Variants in FBXO34 observed in about 807,000 individuals in gnomAD.
The protein encoded by FBXO34 is F-box protein 34.
A neutral mutation model predicts 24.5 loss-of-function variants in FBXO34; 12 were observed. The observed-to-expected ratio is 0.49, with a 90% CI of 0.31 to 0.79. The LOEUF (loss-of-function observed/expected upper bound fraction) is 0.79. Ranked by LOEUF, FBXO34 falls within the 30% of genes least tolerant of loss-of-function variation. FBXO34 has a pLI of 0.04. For missense variants in FBXO34, 823 were observed against 857.7 expected, an observed-to-expected ratio of 0.96 and a Z score of 0.51; for synonymous variants, 320 against 311.9, an observed-to-expected ratio of 1.03 and a Z score of -0.27.
intron 1 of FBXO34, among the ~76,000 whole-genome samples, chr14:55,294,295 A>C (rs1044420444): frequency 1.5e-5 from 2 of 136,754 alleles, no homozygotes; most frequent in African/African-American, 5.2e-5. Context: ...TGCTCAAAAA[A>C]TTATTATTAT....
At chr14:55,325,428 A>T (rs1029120116) in intron 1 of FBXO34, among the ~76,000 whole-genome samples, 1 of 152,146 alleles carries the variant, frequency 6.6e-6, no homozygotes, top group Non-Finnish European at 1.5e-5. Context: ...ACAGTCTAAC[A>T]TGTTTATTTT....
chr14:55,435,032 T>C, the FBXO34 span, among the ~76,000 whole-genome samples: 2 of 152,102 alleles, frequency 1.3e-5, no homozygotes, highest in Non-Finnish European at 2.9e-5. Flanking sequence ...TGCCTGGCCT[T>C]GGCAGGATAC....
At position 55,350,634 on chromosome 14, in the gene FBXO34, A is replaced by G. The variant is rs35059794; in HGVS notation, c.244A>G (p.Ser82Gly). ...SMSGKSPVES[S>G]LNVKTKKNAP... ...GAGTGGGAAGAGTCCTGTAGAGAGC[A>G]GCTTGAATGTTAAAACCAAAAAGAA... Residue 82 changes from serine to glycine, a missense_variant, in exon 2 of 2, where the codon AGC becomes GGC. Transcript: ENST00000313833. 1.4e-3 allele frequency: 2,198 copies of G among 1,613,456 alleles called. 25 individuals carry two copies. In the African/African-American group the frequency reaches 0.022, roughly 16 times the overall value.
At chr14:55,384,965 A>G in the FBXO34 span, among the ~76,000 whole-genome samples, 5 of 152,228 alleles carry the variant, frequency 3.3e-5, no homozygotes, top group Non-Finnish European at 7.3e-5. Context: ...GAACAGCCAG[A>G]TGGGGGAACC....
chr14:55,351,623 CGTT>C lies in FBXO34; in HGVS notation c.1235_1237del (p.Val412del). ...ATGATGTGGAAATGACAGATGAACT[CGTT>C]GGGTTACCTTTTTCCTCTCATACCT... On this transcript the variant is annotated inframe_deletion, in exon 2 of 2. Coordinates refer to ENST00000313833, the MANE Select transcript of FBXO34 (RefSeq NM_017943.4). 1 of 1,614,182 alleles carries C rather than the reference CGTT, an allele frequency of 6.2e-7. No homozygotes were observed. The highest frequency in any genetic ancestry group is 8.5e-7 in the Non-Finnish European group (1 of 1,180,030).
At chr14:55,426,025 G>T in the FBXO34 span, among the ~76,000 whole-genome samples, 1 of 152,144 alleles carries the variant, frequency 6.6e-6, no homozygotes, top group African/African-American at 2.4e-5. Context: ...CCTAGTACTT[G>T]GGAAGTCGAG....
intron 1 of FBXO34, among the ~76,000 whole-genome samples, chr14:55,338,045 C>CTTTTTTTTTTTT (rs1480397645): frequency 4.8e-5 from 4 of 82,918 alleles, no homozygotes; most frequent in African/African-American, 1.9e-4. Context: ...AGAGTATGTA[C>CTTTTTTTTTTTT]TTCTTTTTTT....
the FBXO34 span, among the ~76,000 whole-genome samples, chr14:55,403,746 A>G: frequency 3.3e-5 from 5 of 152,182 alleles, no homozygotes; most frequent in South Asian, 4.1e-4. Context: ...GGCAGAGAAT[A>G]TGCATAGGAT....
At chr14:55,278,988 G>A (rs1881437839) in intron 1 of FBXO34, among the ~76,000 whole-genome samples, 1 of 151,634 alleles carries the variant, frequency 6.6e-6, no homozygotes. Context: ...TGCCCACCCT[G>A]TTTCTTTATT....
intron 1 of FBXO34, among the ~76,000 whole-genome samples, chr14:55,273,330 G>T (rs1305677610): frequency 6.6e-6 from 1 of 152,112 alleles, no homozygotes; most frequent in East Asian, 1.9e-4. Flanking sequence ...TACCCGTTAG[G>T]TACTATTGGA....
intron 1 of FBXO34, among the ~76,000 whole-genome samples, chr14:55,322,492 T>G (rs1883173985): frequency 6.6e-6 from 1 of 152,104 alleles, no homozygotes; most frequent in African/African-American, 2.4e-5. Context: ...CATGGAAAAT[T>G]TTAAAAAACA....
At position 55,352,375 on chromosome 14, in the gene FBXO34, C is replaced by T; in HGVS notation, c.1985C>T (p.Pro662Leu). 1 of 1,614,174 alleles carries T rather than the reference C, an allele frequency of 6.2e-7. No individual in the cohort carries two copies. The highest frequency in any genetic ancestry group is 8.5e-7 in the Non-Finnish European group (1 of 1,180,020). Residue 662 changes from proline to leucine, a missense_variant, in exon 2 of 2, where the codon CCA (proline) becomes CTA (leucine). Physicochemically the swap from Pro to Leu is moderately conservative, Grantham distance 98. Around this residue, in one of 2 missense-constraint regions of FBXO34, gnomAD observed 130 missense variants for 198.6 expected, o/e 0.65. Transcript: ENST00000313833. ...TATTGCCAGGCATTGCCCTATGGGC[C>T]AGGGTATTGGATGTGCTGCCACCGG... ...KPYCQALPYG[P>L]GYWMCCHRSQ...
At chr14:55,416,922 A>G in the FBXO34 span, among the ~76,000 whole-genome samples, 1 of 152,230 alleles carries the variant, frequency 6.6e-6, no homozygotes, top group Non-Finnish European at 1.5e-5. Context: ...TAACACTTTT[A>G]TATTAAAAAA....
chr14:55,340,134 T>C (rs910815807), intron 1 of FBXO34, among the ~76,000 whole-genome samples: 10 of 152,174 alleles, frequency 6.6e-5, no homozygotes, highest in Admixed American at 5.2e-4. Flanking sequence ...GTAGCTACCC[T>C]TCCACCTCAG....
chr14:55,413,487 G>A, the FBXO34 span: 1 of 220,670 alleles, frequency 4.5e-6, no homozygotes, highest in Non-Finnish European at 9.3e-6. Flanking sequence ...TCTTTAAGGG[G>A]AGGGGGCGGC....
At position 55,351,600 on chromosome 14, in the gene FBXO34, G is replaced by A. The variant is rs1884380152; in HGVS notation, c.1210G>A (p.Asp404Asn). Residue 404 changes from aspartate to asparagine, a missense_variant, in exon 2 of 2, where the codon GAT becomes AAT. Transcript: ENST00000313833. ...TGCCGTGAAAAACAGCAACAGATAT[G>A]ATGTGGAAATGACAGATGAACTCGT... is the stretch of plus-strand genomic sequence containing the variant. ...QTAVKNSNRY[D>N]VEMTDELVGL... 6.2e-7 allele frequency: 1 copy of A among 1,614,082 alleles called. No individual in the cohort carries two copies. Among genetic ancestry groups the A allele is most frequent in the Non-Finnish European group, 8.5e-7 (1 of 1,180,048 alleles).
At chr14:55,287,982 T>C (rs1344997790) in intron 1 of FBXO34, among the ~76,000 whole-genome samples, 1 of 152,226 alleles carries the variant, frequency 6.6e-6, no homozygotes, top group African/African-American at 2.4e-5. Context: ...GGGTGTGGAA[T>C]TTTCCACTTG....
chr14:55,370,645 C>CT (rs1019390150), downstream of FBXO34, among the ~76,000 whole-genome samples: 574 of 146,608 alleles, frequency 3.9e-3, 3 homozygotes, highest in African/African-American at 8.0e-3. Flanking sequence ...TTCTGCATTT[C>CT]TTTTTTTTTT....
Position 55,340,552 on chromosome 14 carries a change from G to A in FBXO34, c.-10-9829G>A, listed in dbSNP as rs185077896. ...GTGAGCCACCATGCCTGGCTGGCTC[G>A]TAATTTTTATTTTAGCCTCTTTTTT... On this transcript the variant is annotated intron_variant, in intron 1 of 1. Coordinates refer to ENST00000313833, the MANE Select transcript of FBXO34 (RefSeq NM_017943.4). Among the ~76,000 whole-genome samples, 130 of 150,084 alleles carry A rather than the reference G, an allele frequency of 8.7e-4. 1 individual carries two copies. In the Middle Eastern group the frequency reaches 0.01, roughly 12 times the overall value.
Sources: gnomAD v4.1 joint callset for allele counts (sites outside exome capture counted in the v4.1 genomes callset) on GRCh38, gnomAD v4.1.1 for gene constraint, gnomAD v4.1.1 regional missense constraint, MANE v1.5 for transcripts, NCBI Gene and HGNC (gene_info 2026-07-23, HGNC 2026-07-21) for gene names.